VTCN1: variants seen among roughly 807,000 people sequenced by gnomAD.
The protein encoded by VTCN1 is V-set domain containing T cell activation inhibitor 1.
Under a neutral mutation model 26.5 loss-of-function variants are expected in VTCN1, and 26 were observed. The observed-to-expected ratio is 0.98, with a 90% CI of 0.72 to 1.36. The LOEUF (loss-of-function observed/expected upper bound fraction) is 1.36, where lower values mean the gene tolerates loss of function less well. Among genes scored for constraint, VTCN1 ranks in the 40% most tolerant of loss-of-function variants. The probability of loss-of-function intolerance (pLI) is 0.00; values close to 1 mark genes in which losing one functional copy is unlikely to be tolerated. For missense variants in VTCN1, 298 were observed against 337.7 expected, an observed-to-expected ratio of 0.88 and a Z score of 0.92; for synonymous variants, 116 against 130.7, an observed-to-expected ratio of 0.89 and a Z score of 0.77.
At position 117,159,321 on chromosome 1, in the gene VTCN1, G is replaced by A. The variant is rs1013228263; in HGVS notation, c.98-2400C>T. On this transcript the variant is annotated intron_variant, in intron 2 of 5. Coordinates refer to ENST00000369458, the MANE Select transcript of VTCN1 (RefSeq NM_024626.4). The surrounding 1 kb of genome is among the most constrained non-coding windows in gnomAD (Gnocchi z 4.7). The stretch of plus-strand genomic sequence containing the variant: ...GGGAGGCCTCAGAGTCATGGCGGGA[G>A]GTGAAAGGCACTTCTTACATGGCAG... Among the ~76,000 whole-genome samples, 2 of 152,210 alleles carry A rather than the reference G, an allele frequency of 1.3e-5. No homozygotes were observed. Among genetic ancestry groups the A allele is most frequent in the Non-Finnish European group, 2.9e-5 (2 of 68,028 alleles).
rs988208038 is a variant in VTCN1, at chr1:117,144,812, T to A, written c.*459A>T. On this transcript the variant is annotated 3_prime_UTR_variant, in exon 6 of 6. Transcript: ENST00000369458. ...TCTTAGGGTACATACTACAGCTTAA[T>A]TTGTGGAATATAAGATGTGGATATG... 9.8e-5 allele frequency: 15 copies of A among 152,594 alleles called. No homozygotes were observed. The highest frequency in any genetic ancestry group is 3.6e-4 in the African/African-American group (15 of 41,440). 9.5% of individuals were successfully genotyped at this position (152,594 alleles called of 1,614,324 possible).
At chr1:117,205,583 C>T (rs934909518) in intron 1 of VTCN1, among the ~76,000 whole-genome samples, 1 of 152,204 alleles carries the variant, frequency 6.6e-6, no homozygotes, top group African/African-American at 2.4e-5. Flanking sequence ...GGGAGCAGCT[C>T]TTCCCGTGGC....
intron 2 of VTCN1, 91 bp downstream of exon 2, chr1:117,170,016 G>C (rs552127036): frequency 1.6e-6 from 2 of 1,262,010 alleles, no homozygotes; most frequent in South Asian, 2.5e-5. Flanking sequence ...CTGGGTCAAA[G>C]CTCTGGGCTC....
At chr1:117,190,065 ACAC>A (rs1346915327) in intron 1 of VTCN1, among the ~76,000 whole-genome samples, 2 of 152,196 alleles carry the variant, frequency 1.3e-5, no homozygotes, top group Non-Finnish European at 2.9e-5. Context: ...CACACACCAC[ACAC>A]AAGTGCCTCA....
At chr1:117,197,266 A>C (rs1173495871) in intron 1 of VTCN1, among the ~76,000 whole-genome samples, 1 of 152,174 alleles carries the variant, frequency 6.6e-6, no homozygotes, top group Non-Finnish European at 1.5e-5. Flanking sequence ...GAAATATGAG[A>C]AAACAGATTT....
intron 2 of VTCN1, among the ~76,000 whole-genome samples, chr1:117,164,077 G>A (rs978421361): frequency 1.3e-5 from 2 of 152,074 alleles, no homozygotes; most frequent in South Asian, 2.1e-4. Context: ...AGGCCTTGGT[G>A]CCCAGCTGAG....
intron 1 of VTCN1, among the ~76,000 whole-genome samples, chr1:117,187,409 C>T (rs554183701): frequency 6.6e-6 from 1 of 151,556 alleles, no homozygotes; most frequent in East Asian, 1.9e-4. Context: ...TTCCTTCAGG[C>T]ACTTGAGGAA....
chr1:117,189,493 T>A (rs1648133385), intron 1 of VTCN1, among the ~76,000 whole-genome samples: 1 of 152,192 alleles, frequency 6.6e-6, no homozygotes, highest in African/African-American at 2.4e-5. Flanking sequence ...AAAGTCAGCA[T>A]CAGGAACAAG....
chr1:117,170,666 A>G (rs1265101402), intron 1 of VTCN1, among the ~76,000 whole-genome samples: 1 of 152,108 alleles, frequency 6.6e-6, no homozygotes, highest in Non-Finnish European at 1.5e-5. Flanking sequence ...CATCTACTGC[A>G]CTCCGTAAGT....
Position 117,167,934 on chromosome 1 carries a change from G to A in VTCN1, c.97+2173C>T, listed in dbSNP as rs1269426007. Among the ~76,000 whole-genome samples, 1 of 151,722 alleles carries A rather than the reference G, an allele frequency of 6.6e-6. No homozygotes were observed. Among genetic ancestry groups the A allele is most frequent in the African/African-American group, 2.4e-5 (1 of 41,314 alleles). ...ACCTTATAAATCTATTTTAGTATAT[G>A]AGAGAGAGAGAAAGAGAGAGCAGAA... On this transcript the variant is annotated intron_variant, in intron 2 of 5. Coordinates refer to ENST00000369458, the MANE Select transcript of VTCN1 (RefSeq NM_024626.4). This position sits in a 1 kb window ranked among gnomAD's most constrained non-coding sequence, Gnocchi z 4.1.
Position 117,179,944 on chromosome 1 carries a change from G to C in VTCN1, c.33-9773C>G, listed in dbSNP as rs141996751. Among the ~76,000 whole-genome samples the C allele has an allele frequency of 2.4e-3, 361 of 152,260 alleles. 1 individual carries two copies. Among genetic ancestry groups the C allele is most frequent in the African/African-American group, 8.4e-3 (351 of 41,558 alleles). On this transcript the variant is annotated intron_variant, in intron 1 of 5. Coordinates refer to ENST00000369458, the MANE Select transcript of VTCN1 (RefSeq NM_024626.4). The stretch of plus-strand genomic sequence containing the variant: ...TGGGAAATTAAAGAGAGCAGGATTA[G>C]ACTCAGGTCTCAGATGCCATCATCG...
chr1:117,173,410 G>A, intron 1 of VTCN1: 1 of 424,182 alleles, frequency 2.4e-6, no homozygotes, highest in East Asian at 3.8e-5. Context: ...AAAGATGAAA[G>A]CAGAGATCTA....
intron 1 of VTCN1, among the ~76,000 whole-genome samples, chr1:117,206,677 T>TG (rs147677429): frequency 0.93 from 140,859 of 152,166 alleles, 65,474 homozygotes; most frequent in Non-Finnish European, 0.97. Flanking sequence ...TATCTGTTGA[T>TG]GCTGACTATG....
intron 1 of VTCN1, among the ~76,000 whole-genome samples, chr1:117,170,842 TTTTTA>T (rs1652872087): frequency 6.6e-6 from 1 of 152,178 alleles, no homozygotes; most frequent in South Asian, 2.1e-4. Context: ...CACCAATTAT[TTTTTA>T]TTTTATTTTA....
At chr1:117,202,934 T>C (rs1032584374) in intron 1 of VTCN1, among the ~76,000 whole-genome samples, 8 of 152,142 alleles carry the variant, frequency 5.3e-5, no homozygotes, top group Non-Finnish European at 8.8e-5. Context: ...GAGAGAGTTT[T>C]CTTTTAAGAC....
chr1:117,146,261 G>C lies in VTCN1; in HGVS notation c.*46-1036C>G, dbSNP rs1651496511. ...CTACTAGTGAGATTCCCAAGGGACAGTTTCCTTAGGGAAATCTCTGCTGAC... is the reference window on the plus strand; with the variant it reads ...CTACTAGTGAGATTCCCAAGGGACACTTTCCTTAGGGAAATCTCTGCTGAC... On this transcript the variant is annotated intron_variant, in intron 5 of 5. Transcript: ENST00000369458. This position sits in a 1 kb window ranked among gnomAD's most constrained non-coding sequence, Gnocchi z 4.2. 2.0e-5 allele frequency among the ~76,000 whole-genome samples: 3 copies of C among 152,228 alleles called. No individual in the cohort carries two copies. Among genetic ancestry groups the C allele is most frequent in the Admixed American group, 2.0e-4 (3 of 15,282 alleles).
At chr1:117,188,494 T>C (rs1648076145) in intron 1 of VTCN1, among the ~76,000 whole-genome samples, 1 of 152,194 alleles carries the variant, frequency 6.6e-6, no homozygotes, top group South Asian at 2.1e-4. Context: ...GCTTCAGAAG[T>C]TTCATCATGT....
chr1:117,166,816 G>C lies in VTCN1; in HGVS notation c.97+3291C>G, dbSNP rs116034600. 5.7e-3 allele frequency among the ~76,000 whole-genome samples: 874 copies of C among 152,032 alleles called. 2 individuals carry two copies. The highest frequency in any genetic ancestry group is 0.01 in the Non-Finnish European group (702 of 67,998). On this transcript the variant is annotated intron_variant, in intron 2 of 5. Transcript: ENST00000369458. ...ATAAAGAATATATATGTAAATCAGA[G>C]AGCAGTGGCTCACACCTGTAATCCC...
rs955732977 is a variant in VTCN1, at chr1:117,143,789, G to A, written c.*1482C>T. 6.6e-6 allele frequency: 1 copy of A among 152,240 alleles called. No individual in the cohort carries two copies. The highest frequency in any genetic ancestry group is 2.4e-5 in the African/African-American group (1 of 41,452). 9.4% of individuals were successfully genotyped at this position (152,240 alleles called of 1,614,324 possible). On this transcript the variant is annotated 3_prime_UTR_variant, in exon 6 of 6. Coordinates refer to ENST00000369458, the MANE Select transcript of VTCN1 (RefSeq NM_024626.4). Reference sequence around the variant, plus strand: ...ATTCCTCAAGGCCTCAATTCAAGCAGTCATTGTCCTTGCTTTCAAAAGTCT... The same window carrying A: ...ATTCCTCAAGGCCTCAATTCAAGCAATCATTGTCCTTGCTTTCAAAAGTCT...
Sources: allele counts gnomAD v4.1 joint callset (sites outside exome capture counted in the v4.1 genomes callset), GRCh38; gene constraint gnomAD v4.1.1; non-coding constraint Gnocchi (gnomAD v3.1); transcripts MANE v1.5; gene names NCBI Gene and HGNC (gene_info 2026-07-23, HGNC 2026-07-21).